The following MLIP variants were observed in gnomAD, a reference collection of about 807,000 sequenced individuals.
The protein encoded by MLIP is muscular LMNA interacting protein.
In MLIP, 79 loss-of-function variants were observed where a neutral mutation model predicts 84.8. The ratio of observed to expected loss-of-function variants is 0.93; its 90% CI spans 0.78 to 1.12. The LOEUF is 1.12. MLIP is among the 50% of genes most tolerant of loss of function. MLIP has a pLI of 0.00. For synonymous variants in MLIP, 504 were observed against 463.0 expected, an observed-to-expected ratio of 1.09 and a Z score of -1.14; for missense variants, 1,257 against 1,160.6, an observed-to-expected ratio of 1.08 and a Z score of -1.21.
At position 54,232,812 on chromosome 6, in the gene MLIP, C is replaced by T. The variant is rs1390335915; in HGVS notation, c.2922+1895C>T. ...TGACCTTACAGCTTTGCCTACTGGC[C>T]TATCTCCAAACTCAAATCTTCCCAT... On this transcript the variant is annotated intron_variant, in intron 12 of 13. Transcript: ENST00000502396. Among the ~76,000 whole-genome samples the T allele has an allele frequency of 2.6e-5, 4 of 152,322 alleles. No homozygotes were observed. The South Asian group carries it at 8.3e-4, about 32-fold the overall frequency.
upstream of MLIP, among the ~76,000 whole-genome samples, chr6:54,109,276 G>GT: frequency 6.6e-6 from 1 of 151,600 alleles, no homozygotes. Flanking sequence ...TATAAAACTA[G>GT]AAAACAACAA....
At chr6:54,217,613 A>C (rs1582533173) in intron 11 of MLIP, 2 of 983,970 alleles carry the variant, frequency 2.0e-6, no homozygotes, top group Non-Finnish European at 2.4e-6. Flanking sequence ...ATCATCTCAA[A>C]AATAATTAAT....
At chr6:54,207,185 A>G (rs761687479) in intron 11 of MLIP, among the ~76,000 whole-genome samples, 2 of 150,962 alleles carry the variant, frequency 1.3e-5, no homozygotes, top group Non-Finnish European at 3.0e-5. Flanking sequence ...AGTTTTCTCT[A>G]TTTTGCTTTG....
intron 1 of MLIP, among the ~76,000 whole-genome samples, chr6:54,100,476 T>A (rs985617955): frequency 6.6e-6 from 1 of 152,146 alleles, no homozygotes; most frequent in African/African-American, 2.4e-5. Flanking sequence ...CCTCATATTT[T>A]CTATGTTGCT....
intron 1 of MLIP, among the ~76,000 whole-genome samples, chr6:54,037,508 C>G (rs1764511969): frequency 6.6e-6 from 1 of 151,712 alleles, no homozygotes; most frequent in Non-Finnish European, 1.5e-5. Flanking sequence ...AGATCTAAAG[C>G]CTGTGAAAGA....
chr6:54,128,940 G>C (rs964155199), intron 3 of MLIP, among the ~76,000 whole-genome samples: 7 of 151,900 alleles, frequency 4.6e-5, no homozygotes, highest in East Asian at 3.9e-4. Context: ...TTTTTTGGAG[G>C]GGGGGCACAA....
chr6:54,241,138 A>G (rs1284740999), intron 12 of MLIP, among the ~76,000 whole-genome samples: 2 of 152,010 alleles, frequency 1.3e-5, no homozygotes, highest in Non-Finnish European at 2.9e-5. Context: ...TGCCTTTTAA[A>G]TTCTCTAATG....
chr6:54,211,551 A>C (rs769857205), intron 11 of MLIP, among the ~76,000 whole-genome samples: 4 of 152,206 alleles, frequency 2.6e-5, no homozygotes, highest in Non-Finnish European at 5.9e-5. Context: ...ACAGTTTTGA[A>C]GTGTGTATTC....
intron 10 of MLIP, among the ~76,000 whole-genome samples, chr6:54,190,858 C>A (rs936334510): frequency 2.7e-5 from 4 of 147,238 alleles, no homozygotes; most frequent in Non-Finnish European, 4.4e-5. Context: ...TGCAGTGGTG[C>A]GATCTCGGCT....
At chr6:54,189,981 A>C in intron 10 of MLIP, 67 bp downstream of exon 10, 1 of 1,022,148 alleles carries the variant, frequency 9.8e-7, no homozygotes, top group Non-Finnish European at 1.5e-6. Flanking sequence ...TACCTGAGTA[A>C]AAGTGAAAAA....
In MLIP at chr6:54,049,226, G is replaced by A. The variant is rs147097307; in HGVS notation, c.63+30135G>A. Among the ~76,000 whole-genome samples, 213 of 152,224 alleles carry A rather than the reference G, an allele frequency of 1.4e-3. 2 individuals are homozygous for A. The East Asian group carries it at 0.029, about 21-fold the overall frequency. On this transcript the variant is annotated intron_variant, in intron 1 of 12. Transcript: ENST00000274897. ...TGTAAAGCTAATCTCTGTGGGTGGG[G>A]CCCTGTTATCAATATTTAAACAATA...
chr6:54,126,236 A>T (rs1374294970), intron 3 of MLIP, among the ~76,000 whole-genome samples: 1 of 152,114 alleles, frequency 6.6e-6, no homozygotes, highest in Admixed American at 6.5e-5. Context: ...AAGAAAATGT[A>T]TTAATAAAAA....
At chr6:54,153,196 CA>C (rs1327443685) in intron 5 of MLIP, among the ~76,000 whole-genome samples, 2 of 149,530 alleles carry the variant, frequency 1.3e-5, no homozygotes, top group South Asian at 4.5e-4. Context: ...ATAGGAAAAA[CA>C]TTTTTTTTTG....
At chr6:54,107,402 G>A (rs1292418968), upstream of MLIP, among the ~76,000 whole-genome samples, 57 of 152,158 alleles carry the variant, frequency 3.7e-4, 1 homozygote, top group Admixed American at 3.7e-3. Flanking sequence ...TTGATGAGAT[G>A]TCAGGATTCA....
At chr6:54,236,772 G>T (rs1781392836) in intron 12 of MLIP, among the ~76,000 whole-genome samples, 1 of 152,134 alleles carries the variant, frequency 6.6e-6, no homozygotes, top group African/African-American at 2.4e-5. Flanking sequence ...TCTTAAAAGA[G>T]AAAATAAGTA....
chr6:54,151,341 T>A (rs1773424411), intron 5 of MLIP, among the ~76,000 whole-genome samples: 2 of 152,156 alleles, frequency 1.3e-5, no homozygotes, highest in Admixed American at 6.6e-5. Flanking sequence ...ATTGTATTGT[T>A]CCTTTCAGTG....
At chr6:54,178,152 A>G (rs1202487555) in intron 9 of MLIP, among the ~76,000 whole-genome samples, 3 of 152,124 alleles carry the variant, frequency 2.0e-5, no homozygotes, top group Non-Finnish European at 4.4e-5. Flanking sequence ...CAAAGCACAC[A>G]TTTACATGGG....
chr6:54,086,225 T>C (rs758071161), intron 1 of MLIP, among the ~76,000 whole-genome samples: 4 of 152,166 alleles, frequency 2.6e-5, no homozygotes, highest in Non-Finnish European at 5.9e-5. Flanking sequence ...TCTTTATAAC[T>C]TCCACATTTA....
chr6:54,180,928 G>C (rs1776792289), intron 9 of MLIP, among the ~76,000 whole-genome samples: 1 of 152,164 alleles, frequency 6.6e-6, no homozygotes, highest in African/African-American at 2.4e-5. Flanking sequence ...CAACATTGAA[G>C]AGTTAGGTAT....
Sources: allele counts gnomAD v4.1 joint callset (sites outside exome capture counted in the v4.1 genomes callset), GRCh38; gene constraint gnomAD v4.1.1; transcripts MANE v1.5; gene names NCBI Gene and HGNC (gene_info 2026-07-23, HGNC 2026-07-21).